The following ITPR1 variants were observed in gnomAD, a reference collection of about 807,000 sequenced individuals.
The protein encoded by ITPR1 is inositol 1,4,5-trisphosphate-gated calcium channel ITPR1.
In ITPR1, 96 loss-of-function variants were observed where a neutral mutation model predicts 318.4. That is an observed-to-expected ratio of 0.30 (90% CI 0.26 to 0.36). ITPR1 has a LOEUF of 0.36. Among genes scored for constraint, ITPR1 ranks in the 10% least tolerant of loss-of-function variants. The pLI is 1.00. For synonymous variants in ITPR1, 1,312 were observed against 1,289.9 expected (o/e 1.02, Z -0.37); for missense variants, 2,440 against 3,460.2 (o/e 0.71, Z 7.40).
intron 42 of ITPR1, among the ~76,000 whole-genome samples, chr3:4,730,217 A>T (rs1352310208): frequency 2.3e-5 from 2 of 86,412 alleles, no homozygotes; most frequent in Non-Finnish European, 5.3e-5. Context: ...TCTCATCTTT[A>T]AAAAAAAAAA....
At chr3:4,546,374 A>G (rs2084999503) in intron 4 of ITPR1, among the ~76,000 whole-genome samples, 1 of 152,128 alleles carries the variant, frequency 6.6e-6, no homozygotes, top group Non-Finnish European at 1.5e-5. Context: ...TTGGTGGATT[A>G]TACCCATTTT....
chr3:4,684,130 A>T, intron 28 of ITPR1, 151 bp from the exon 29 acceptor site: 1 of 645,774 alleles, frequency 1.5e-6, no homozygotes, highest in Non-Finnish European at 2.8e-6. Flanking sequence ...ACCCATAGCA[A>T]GTAGGTAGAT....
At chr3:4,831,753 G>A (rs184895211) in intron 60 of ITPR1, among the ~76,000 whole-genome samples, 2 of 152,300 alleles carry the variant, frequency 1.3e-5, no homozygotes, top group Admixed American at 1.3e-4. Context: ...GAGAGGCGTG[G>A]GTGACAGGCT....
At chr3:4,694,440 A>ATT (rs10663025) in intron 33 of ITPR1, among the ~76,000 whole-genome samples, 7 of 151,288 alleles carry the variant, frequency 4.6e-5, no homozygotes, top group Non-Finnish European at 8.9e-5. Context: ...TATATCATAT[A>ATT]ATGTTTTTAG....
In ITPR1 at chr3:4,674,154, T is replaced by C. The variant is rs906112385; in HGVS notation, c.2457-48T>C. On this transcript the variant is annotated intron_variant, in intron 21 of 61. Coordinates refer to ENST00000649015, the MANE Select transcript of ITPR1 (RefSeq NM_001378452.1). ...GCTGAGTGACCCAGGAAGACCTCTCTGGGAATAACTTGAAATTTTGTTTCC... is the reference window on the plus strand; with the variant it reads ...GCTGAGTGACCCAGGAAGACCTCTCCGGGAATAACTTGAAATTTTGTTTCC... The C allele has an allele frequency of 4.7e-6, 7 of 1,501,658 alleles. No individual in the cohort carries two copies. In the African/African-American group the frequency reaches 9.9e-5, roughly 21 times the overall value. 93.0% of individuals were successfully genotyped at this position (1,501,658 alleles called of 1,614,324 possible). A position where few individuals can be genotyped will look rare whatever the true frequency, so the allele number is the denominator to read the frequency against.
chr3:4,512,575 T>C (rs906479934), intron 2 of ITPR1, among the ~76,000 whole-genome samples: 1 of 152,224 alleles, frequency 6.6e-6, no homozygotes, highest in African/African-American at 2.4e-5. Context: ...TCATTTGTTA[T>C]GATACACATC....
intron 54 of ITPR1, among the ~76,000 whole-genome samples, chr3:4,802,280 A>C (rs1351361954): frequency 2.6e-5 from 4 of 152,198 alleles, no homozygotes; most frequent in African/African-American, 9.7e-5. Flanking sequence ...AGTGTTGTAT[A>C]GAATGTATGT....
rs932493892 is a variant in ITPR1, at chr3:4,635,874, TTTTG to T, written c.280-3501_280-3498del. 5.5e-4 allele frequency among the ~76,000 whole-genome samples: 83 copies of T among 152,070 alleles called. 1 individual carries two copies. Among genetic ancestry groups the T allele is most frequent in the Non-Finnish European group, 5.0e-4 (34 of 68,004 alleles). On this transcript the variant is annotated intron_variant, in intron 5 of 61. Coordinates refer to ENST00000649015, the MANE Select transcript of ITPR1 (RefSeq NM_001378452.1). ...ATACCAGACTTGGGTTTGTTTGTTT[TTTTG>T]TTTGTTTGCTTGCTTTTTTTTTTTG... is the stretch of plus-strand genomic sequence containing the variant.
chr3:4,503,535 G>A (rs2081183635), intron 2 of ITPR1, among the ~76,000 whole-genome samples: 1 of 152,172 alleles, frequency 6.6e-6, no homozygotes, highest in Non-Finnish European at 1.5e-5. Context: ...GGTCTCAATG[G>A]GGACAGGGAG....
At chr3:4,619,081 A>G (rs1473354206) in intron 4 of ITPR1, among the ~76,000 whole-genome samples, 3 of 152,170 alleles carry the variant, frequency 2.0e-5, no homozygotes, top group Admixed American at 6.5e-5. Context: ...TGTTTTTAAG[A>G]TACTGCTGTG....
intron 36 of ITPR1, among the ~76,000 whole-genome samples, chr3:4,704,882 C>T (rs1421837884): frequency 6.6e-6 from 1 of 152,028 alleles, no homozygotes; most frequent in East Asian, 1.9e-4. Context: ...ATATCCAAGG[C>T]ATAGAGTTTC....
At chr3:4,572,322 C>A (rs746049911) in intron 4 of ITPR1, among the ~76,000 whole-genome samples, 1 of 152,208 alleles carries the variant, frequency 6.6e-6, no homozygotes, top group Non-Finnish European at 1.5e-5. Context: ...CCAGTCTTTT[C>A]TCAGTAAATG....
At chr3:4,818,345 A>C in intron 60 of ITPR1, 103 bp downstream of exon 60, 1 of 899,912 alleles carries the variant, frequency 1.1e-6, no homozygotes, top group East Asian at 2.6e-5. Flanking sequence ...GAAGAATAAC[A>C]TCCGATGTTG....
At chr3:4,830,896 A>G in intron 60 of ITPR1, 1 of 456,288 alleles carries the variant, frequency 2.2e-6, no homozygotes, top group Non-Finnish European at 4.4e-6. Flanking sequence ...TTGGCTATAA[A>G]AGATTCCACA....
At position 4,710,118 on chromosome 3, in the gene ITPR1, T is replaced by G. The variant is rs3816835; in HGVS notation, c.4843-207T>G. Among the ~76,000 whole-genome samples, 59,868 of 152,108 alleles carry G rather than the reference T, an allele frequency of 0.39. 13,791 individuals carry two copies. The highest frequency in any genetic ancestry group is 0.54 in the Non-Finnish European group (36,601 of 67,966). On this transcript the variant is annotated intron_variant, in intron 37 of 61. Transcript: ENST00000649015. The surrounding 1 kb of genome is among the most constrained non-coding windows in gnomAD (Gnocchi z 4.2). ...AAGAAGGGGTGGTGGGAAAGTTGACTTGTTTTCACTTTGTTTTCTGCATCA... is the reference window on the plus strand; with the variant it reads ...AAGAAGGGGTGGTGGGAAAGTTGACGTGTTTTCACTTTGTTTTCTGCATCA...
chr3:4,688,857 C>T lies in ITPR1; in HGVS notation c.3828+237C>T, dbSNP rs79315782. On this transcript the variant is annotated intron_variant, in intron 31 of 61. Transcript: ENST00000649015. ...AAAGTGAGATGGATAAAGTAAGATA[C>T]GTGTCTATATTTTCCTAGTCAAGTC... Among the ~76,000 whole-genome samples, 1,700 of 152,276 alleles carry T rather than the reference C, an allele frequency of 0.011. 26 individuals carry two copies. The highest frequency in any genetic ancestry group is 0.039 in the African/African-American group (1,614 of 41,540).
intron 44 of ITPR1, among the ~76,000 whole-genome samples, chr3:4,765,981 G>A (rs1430670601): frequency 6.6e-6 from 1 of 152,154 alleles, no homozygotes; most frequent in Non-Finnish European, 1.5e-5. Context: ...CCAGCTCTGA[G>A]CATTTATAAT....
chr3:4,536,779 C>T (rs146317610), intron 4 of ITPR1, among the ~76,000 whole-genome samples: 28 of 152,300 alleles, frequency 1.8e-4, no homozygotes, highest in African/African-American at 6.5e-4. Context: ...TTCTAGTTGA[C>T]CTGGCTTTCA....
chr3:4,644,980 A>G (rs770336611), intron 8 of ITPR1, among the ~76,000 whole-genome samples: 3 of 152,254 alleles, frequency 2.0e-5, no homozygotes, highest in Non-Finnish European at 4.4e-5. Context: ...TGCTGTTGTT[A>G]ACAATGATCA....
Sources: allele counts gnomAD v4.1 joint callset (sites outside exome capture counted in the v4.1 genomes callset), GRCh38; gene constraint gnomAD v4.1.1; non-coding constraint Gnocchi (gnomAD v3.1); transcripts MANE v1.5; gene names NCBI Gene and HGNC (gene_info 2026-07-23, HGNC 2026-07-21).